The following FANCD2OS variants were observed in gnomAD, a reference collection of about 807,000 sequenced individuals.
FANCD2OS encodes FANCD2 opposite strand.
In FANCD2OS, 11 loss-of-function variants were observed where a neutral mutation model predicts 13.2. The ratio of observed to expected loss-of-function variants is 0.83; its 90% CI spans 0.52 to 1.38. FANCD2OS has a LOEUF of 1.38. Ranked by LOEUF, FANCD2OS falls within the 40% of genes most tolerant of loss-of-function variation. FANCD2OS has a pLI of 0.00. For missense variants in FANCD2OS, 217 were observed against 213.9 expected (o/e 1.01, Z -0.09); for synonymous variants, 69 against 84.5 (o/e 0.82, Z 1.01).
chr3:10,107,647 T>C (rs937287360), intron 1 of FANCD2OS, among the ~76,000 whole-genome samples: 1 of 151,900 alleles, frequency 6.6e-6, no homozygotes, highest in African/African-American at 2.4e-5. Context: ...TAAAAGTCTT[T>C]GTCAAATGTC....
chr3:10,086,516 G>C (rs1694214870), intron 2 of FANCD2OS, among the ~76,000 whole-genome samples: 1 of 151,756 alleles, frequency 6.6e-6, no homozygotes, highest in Non-Finnish European at 1.5e-5. Context: ...CTTTGAGAGA[G>C]AGTCTCACTT....
At chr3:10,100,791 C>T (rs145393937), downstream of FANCD2OS, among the ~76,000 whole-genome samples, 5 of 152,180 alleles carry the variant, frequency 3.3e-5, no homozygotes, top group Admixed American at 1.3e-4. Flanking sequence ...CAAATTGGGC[C>T]GGGCGCAATG....
rs371321981 is a variant in FANCD2OS at position 10,087,281 on chromosome 3, C to CTTTTTTT, written c.*44-5757_*44-5751dup. 1.8e-5 allele frequency: 24 copies of CTTTTTTT among 1,311,074 alleles called. 1 individual carries two copies. The highest frequency in any genetic ancestry group is 1.3e-4 in the African/African-American group (7 of 53,670). The allele number at this position is 1,311,074 out of a possible 1,614,324, so 81.2% of individuals were successfully genotyped here. ...AAAAAATTGGTGATGGGCCTAGATC[C>CTTTTTTT]TTTTTTTTTTTTTTTTTTTAATGAA... On this transcript the variant is annotated intron_variant, in intron 2 of 2. Coordinates refer to the FANCD2OS transcript ENST00000524279.
intron 2 of FANCD2OS, chr3:10,090,256 C>T (rs2125081181): frequency 6.7e-7 from 1 of 1,483,954 alleles, no homozygotes; most frequent in Non-Finnish European, 9.4e-7. Context: ...AGCAGTGCAT[C>T]ATGGTGTGGG....
At position 10,092,264 on chromosome 3, in the gene FANCD2OS, G is replaced by A; in HGVS notation, c.*44-10733C>T. ...TCAACTTGATAAAGGTGAGTATGGAGACTGCTTGACACATCTCACCAAATA... is the reference window on the plus strand; with the variant it reads ...TCAACTTGATAAAGGTGAGTATGGAAACTGCTTGACACATCTCACCAAATA... On this transcript the variant is annotated intron_variant, in intron 2 of 2. Transcript: ENST00000524279. The A allele has an allele frequency of 6.3e-7, 1 of 1,594,316 alleles. No homozygotes were observed. The highest frequency in any genetic ancestry group is 8.6e-7 in the Non-Finnish European group (1 of 1,162,230).
intron 2 of FANCD2OS, chr3:10,088,366 C>G: frequency 1.1e-6 from 1 of 870,218 alleles, no homozygotes; most frequent in East Asian, 2.4e-5. Flanking sequence ...TCCTTTTGAT[C>G]AATAATCATC....
At chr3:10,105,768 AAAAT>A (rs1426668165) in intron 1 of FANCD2OS, among the ~76,000 whole-genome samples, 569 of 51,328 alleles carry the variant, frequency 0.011, 58 homozygotes, top group African/African-American at 0.1. Flanking sequence ...AAAAAAAAAA[AAAAT>A]TATATATATA....
chr3:10,088,668 GAACACAATTTGGAACATGTGGATCTT>G (rs1694388202), intron 2 of FANCD2OS: 3 of 1,090,024 alleles, frequency 2.8e-6, no homozygotes, highest in Non-Finnish European at 4.2e-6. Context: ...GGTTAAAAAT[GAACACAATTTGGAACATGTGGATCTT>G]AAGATCCTCT....
intron 2 of FANCD2OS, chr3:10,094,753 A>T (rs1261844566): frequency 1.2e-5 from 4 of 322,900 alleles, no homozygotes; most frequent in Non-Finnish European, 2.4e-5. Context: ...TGCTGTGGTA[A>T]TGAACAGTCT....
At chr3:10,090,528 C>G (rs535842006) in intron 2 of FANCD2OS, 4 of 571,798 alleles carry the variant, frequency 7.0e-6, no homozygotes, top group Admixed American at 5.7e-5. Context: ...GGCATGATCT[C>G]GGCTCACTGC....
At chr3:10,106,777 G>A (rs1292000647) in intron 1 of FANCD2OS, among the ~76,000 whole-genome samples, 2 of 152,208 alleles carry the variant, frequency 1.3e-5, no homozygotes, top group African/African-American at 2.4e-5. Context: ...AGCCAGGCGT[G>A]GTGGTGGGTG....
At chr3:10,099,348 C>T (rs1197778604), downstream of FANCD2OS, 11 of 1,187,320 alleles carry the variant, frequency 9.3e-6, no homozygotes, top group South Asian at 4.1e-5. Context: ...ACATGGCTGG[C>T]GCAGTGGCTC....
intron 1 of FANCD2OS, among the ~76,000 whole-genome samples, chr3:10,107,666 G>A (rs1695539853): frequency 6.6e-6 from 1 of 152,006 alleles, no homozygotes; most frequent in Admixed American, 6.6e-5. Context: ...TCCAGCCTAG[G>A]TCGCGGCGCG....
intron 1 of FANCD2OS, among the ~76,000 whole-genome samples, chr3:10,105,372 T>A (rs1695441239): frequency 6.6e-6 from 1 of 152,162 alleles, no homozygotes; most frequent in African/African-American, 2.4e-5. Context: ...AGAGTCTTTA[T>A]CTTCTGAGGT....
chr3:10,099,382 T>A, downstream of FANCD2OS: 4 of 1,112,758 alleles, frequency 3.6e-6, no homozygotes, highest in Non-Finnish European at 4.4e-6. Context: ...TAGCACTTTT[T>A]GAGGCCAAGG....
intron 1 of FANCD2OS, among the ~76,000 whole-genome samples, chr3:10,105,413 C>T (rs965285462): frequency 1.3e-5 from 2 of 151,918 alleles, no homozygotes; most frequent in African/African-American, 4.8e-5. Flanking sequence ...CATGATGAGA[C>T]CTTATTACTT....
downstream of FANCD2OS, chr3:10,099,054 C>T: frequency 1.9e-6 from 3 of 1,587,204 alleles, no homozygotes; most frequent in Non-Finnish European, 2.6e-6. Flanking sequence ...ATAGAGTTGA[C>T]AATTTTCTGC....
chr3:10,102,355 G>C (rs1695336245), downstream of FANCD2OS, among the ~76,000 whole-genome samples: 1 of 151,428 alleles, frequency 6.6e-6, no homozygotes, highest in Non-Finnish European at 1.5e-5. Context: ...ATATTGACCA[G>C]GCTGGTCTTG....
chr3:10,083,287 C>G (rs1348304117), intron 2 of FANCD2OS, among the ~76,000 whole-genome samples: 1 of 151,940 alleles, frequency 6.6e-6, no homozygotes, highest in African/African-American at 2.4e-5. Flanking sequence ...TAAACCATCT[C>G]TAAAAATTAT....
Sources: gnomAD v4.1 joint callset for allele counts (sites outside exome capture counted in the v4.1 genomes callset) on GRCh38, gnomAD v4.1.1 for gene constraint, MANE v1.5 for transcripts, NCBI Gene and HGNC (gene_info 2026-07-23, HGNC 2026-07-21) for gene names.